KCNIP4: variants seen among roughly 807,000 people sequenced by gnomAD.
KCNIP4 encodes Kv channel-interacting protein 4.
KCNIP4 carries 12 observed loss-of-function variants against 34.0 expected under a neutral mutation model. The ratio of observed to expected loss-of-function variants is 0.35; its 90% CI spans 0.23 to 0.57. KCNIP4 has a LOEUF of 0.57. KCNIP4 is among the 20% of genes least tolerant of loss of function. The pLI is 0.83. For synonymous variants in KCNIP4, 124 were observed against 102.2 expected, an observed-to-expected ratio of 1.21 and a Z score of -1.29; for missense variants, 238 against 311.7, an observed-to-expected ratio of 0.76 and a Z score of 1.78.
At chr4:20,837,704 A>G (rs955464444) in intron 3 of KCNIP4, among the ~76,000 whole-genome samples, 6 of 134,702 alleles carry the variant, frequency 4.5e-5, no homozygotes, top group African/African-American at 1.5e-4. Flanking sequence ...TTCCTTGGAG[A>G]TGGAGTCTCG....
chr4:21,069,518 A>G (rs1012716249), intron 1 of KCNIP4, among the ~76,000 whole-genome samples: 7 of 152,182 alleles, frequency 4.6e-5, no homozygotes, highest in Non-Finnish European at 8.8e-5. Context: ...GTCTTCTAGC[A>G]GTTTCCTTTC....
At chr4:21,507,120 T>G (rs1447340649) in intron 1 of KCNIP4, among the ~76,000 whole-genome samples, 1 of 151,894 alleles carries the variant, frequency 6.6e-6, no homozygotes, top group Non-Finnish European at 1.5e-5. Flanking sequence ...ATTTTAAAAT[T>G]ATTTTACTTT....
intron 1 of KCNIP4, among the ~76,000 whole-genome samples, chr4:21,807,234 C>A (rs560831889): frequency 6.6e-6 from 1 of 152,188 alleles, no homozygotes; most frequent in African/African-American, 2.4e-5. Flanking sequence ...GACAAAGCTT[C>A]GCTTGCTCAC....
intron 1 of KCNIP4, among the ~76,000 whole-genome samples, chr4:21,857,322 C>G (rs1188044924): frequency 1.3e-5 from 2 of 152,044 alleles, no homozygotes; most frequent in African/African-American, 4.8e-5. Flanking sequence ...AAAAAGAGAT[C>G]ACAAGATGAT....
chr4:21,532,371 T>G (rs934993660), intron 1 of KCNIP4, among the ~76,000 whole-genome samples: 39 of 152,202 alleles, frequency 2.6e-4, no homozygotes, highest in African/African-American at 8.4e-4. Flanking sequence ...TATTTTGTAG[T>G]GATGTTCATG....
intron 1 of KCNIP4, among the ~76,000 whole-genome samples, chr4:20,989,856 C>T (rs1736925950): frequency 2.0e-5 from 3 of 152,084 alleles, no homozygotes; most frequent in Admixed American, 2.0e-4. Flanking sequence ...GTAGTCTCAG[C>T]TACTTGGGGA....
intron 1 of KCNIP4, among the ~76,000 whole-genome samples, chr4:21,135,910 T>C (rs1751461939): frequency 6.6e-6 from 1 of 152,194 alleles, no homozygotes; most frequent in Admixed American, 6.5e-5. Flanking sequence ...ATTGAAATAT[T>C]CCCTATGAAA....
chr4:21,436,460 G>A (rs1726952289), intron 1 of KCNIP4, among the ~76,000 whole-genome samples: 1 of 152,102 alleles, frequency 6.6e-6, no homozygotes, highest in Non-Finnish European at 1.5e-5. Context: ...TTGGTGTAAG[G>A]ATAACTAACA....
At chr4:21,413,714 T>C (rs1435332544) in intron 1 of KCNIP4, among the ~76,000 whole-genome samples, 2 of 152,202 alleles carry the variant, frequency 1.3e-5, no homozygotes, top group Admixed American at 6.5e-5. Context: ...GAGGCATCAA[T>C]AAAGGAAGGA....
At chr4:21,125,952 C>T (rs528390925) in intron 1 of KCNIP4, among the ~76,000 whole-genome samples, 1 of 152,052 alleles carries the variant, frequency 6.6e-6, no homozygotes, top group African/African-American at 2.4e-5. Flanking sequence ...GCAGGGGTTA[C>T]TATATGGTTA....
chr4:21,301,047 C>G (rs1179113954), intron 1 of KCNIP4, among the ~76,000 whole-genome samples: 4 of 152,072 alleles, frequency 2.6e-5, no homozygotes, highest in Non-Finnish European at 5.9e-5. Flanking sequence ...CTAACTGTAA[C>G]TCTTGGGTTA....
At chr4:21,074,736 T>C (rs186574341) in intron 1 of KCNIP4, among the ~76,000 whole-genome samples, 3,890 of 152,280 alleles carry the variant, frequency 0.026, 149 homozygotes, top group African/African-American at 0.087. Flanking sequence ...TGTTAGGGTG[T>C]CAATTTTGGA....
At chr4:20,783,605 C>T (rs1346021513) in intron 3 of KCNIP4, among the ~76,000 whole-genome samples, 1 of 152,106 alleles carries the variant, frequency 6.6e-6, no homozygotes, top group Non-Finnish European at 1.5e-5. Context: ...AAATTAGCTC[C>T]CACTGGGTCG....
At chr4:21,506,891 A>G (rs114887325) in intron 1 of KCNIP4, among the ~76,000 whole-genome samples, 1,540 of 151,996 alleles carry the variant, frequency 0.01, 26 homozygotes, top group African/African-American at 0.035. Context: ...TCCTGGGCCA[A>G]AGCAATCCTT....
chr4:21,772,065 T>A (rs1462177133), intron 1 of KCNIP4, among the ~76,000 whole-genome samples: 1 of 152,168 alleles, frequency 6.6e-6, no homozygotes. Flanking sequence ...GGGTTTGTCA[T>A]AAATAGCTCT....
At chr4:20,834,811 G>A (rs972033026) in intron 3 of KCNIP4, among the ~76,000 whole-genome samples, 2 of 152,158 alleles carry the variant, frequency 1.3e-5, no homozygotes, top group Non-Finnish European at 2.9e-5. Flanking sequence ...ATTTCTCTGG[G>A]AAGAACTTGT....
chr4:21,478,537 C>T lies in KCNIP4; in HGVS notation c.61+470034G>A, dbSNP rs377260522. ...ATTGTTGAAGAAGTGCTGAAGAAAA[C>T]GTTTTGGCGCTCCCCAGATGGCAGC... On this transcript the variant is annotated intron_variant, in intron 1 of 8. Transcript: ENST00000382152. Among the ~76,000 whole-genome samples the T allele has an allele frequency of 2.0e-5, 3 of 152,170 alleles. No individual in the cohort carries two copies. In the South Asian group the frequency reaches 6.2e-4, roughly 32 times the overall value.
Position 21,811,138 on chromosome 4 carries a change from A to G in KCNIP4, c.61+137433T>C, listed in dbSNP as rs144903972. 1.1e-4 allele frequency among the ~76,000 whole-genome samples: 17 copies of G among 152,300 alleles called. No individual in the cohort carries two copies. The East Asian group carries it at 3.1e-3, about 28-fold the overall frequency. Reference sequence around the variant, plus strand: ...GAAAACACATGGCAAAAGTAACACAAATGAGAGAATCAGGGATTTCTTAGT... The same window carrying G: ...GAAAACACATGGCAAAAGTAACACAGATGAGAGAATCAGGGATTTCTTAGT... On this transcript the variant is annotated intron_variant, in intron 1 of 8. Coordinates refer to ENST00000382152, the MANE Select transcript of KCNIP4 (RefSeq NM_025221.6).
chr4:21,075,253 T>C (rs1214983418), intron 1 of KCNIP4, among the ~76,000 whole-genome samples: 1 of 152,128 alleles, frequency 6.6e-6, no homozygotes, highest in African/African-American at 2.4e-5. Context: ...AAGTCTCTCA[T>C]TATTATTGTG....
Sources: gnomAD v4.1 joint callset for allele counts (sites outside exome capture counted in the v4.1 genomes callset) on GRCh38, gnomAD v4.1.1 for gene constraint, MANE v1.5 for transcripts, NCBI Gene and HGNC (gene_info 2026-07-23, HGNC 2026-07-21) for gene names.